The following ADCY2 variants were observed in gnomAD, a reference collection of about 807,000 sequenced individuals.
ADCY2 encodes adenylate cyclase type 2.
A neutral mutation model predicts 125.2 loss-of-function variants in ADCY2; 31 were observed. That is an observed-to-expected ratio of 0.25 (90% CI 0.19 to 0.33). ADCY2 has a LOEUF of 0.33. Among genes scored for constraint, ADCY2 ranks in the 10% least tolerant of loss-of-function variants. The pLI, the probability that ADCY2 is intolerant of heterozygous loss-of-function variation, is 1.00. For missense variants in ADCY2, 904 were observed against 1,418.2 expected (o/e 0.64, Z 5.82); for synonymous variants, 512 against 548.4 (o/e 0.93, Z 0.93).
intron 3 of ADCY2, among the ~76,000 whole-genome samples, chr5:7,556,779 C>T (rs1340078001): frequency 6.6e-6 from 1 of 152,108 alleles, no homozygotes; most frequent in African/African-American, 2.4e-5. Flanking sequence ...CTATTATGAA[C>T]TGCACGTGCA....
intron 2 of ADCY2, among the ~76,000 whole-genome samples, chr5:7,516,093 G>A (rs1744244028): frequency 6.6e-6 from 1 of 151,444 alleles, no homozygotes; most frequent in African/African-American, 2.4e-5. Context: ...AAGAACTGAA[G>A]GAGCATTACT....
chr5:7,750,758 C>T (rs751206800), intron 15 of ADCY2, among the ~76,000 whole-genome samples: 4 of 151,944 alleles, frequency 2.6e-5, no homozygotes, highest in Admixed American at 2.0e-4. Context: ...TCCCTTGTCT[C>T]GGTGGGAGTT....
At chr5:7,397,196 G>T (rs1020990052) in intron 1 of ADCY2, among the ~76,000 whole-genome samples, 6 of 152,132 alleles carry the variant, frequency 3.9e-5, no homozygotes, top group African/African-American at 1.4e-4. Context: ...ACGTGTTTAG[G>T]GTTTTGGACA....
intron 4 of ADCY2, among the ~76,000 whole-genome samples, chr5:7,674,967 A>G (rs1174319210): frequency 1.3e-5 from 2 of 152,106 alleles, no homozygotes; most frequent in African/African-American, 2.4e-5. Context: ...CATCCTGGCT[A>G]ACATGGTGAA....
rs1428355801 is a variant in ADCY2, at chr5:7,827,576, G to A, written c.*705G>A. 6.6e-6 allele frequency: 1 copy of A among 152,312 alleles called. No homozygotes were observed. Among genetic ancestry groups the A allele is most frequent in the Non-Finnish European group, 1.5e-5 (1 of 68,042 alleles). The allele number at this position is 152,312 out of a possible 1,614,324, so 9.4% of individuals were successfully genotyped here. On this transcript the variant is annotated 3_prime_UTR_variant, in exon 25 of 25. Transcript: ENST00000338316. ...TTTATTTTCCTGTCTTCTTTCTCCTGTGGTTTGCTCCAGAATTAAGGTTTG... is the reference window on the plus strand; with the variant it reads ...TTTATTTTCCTGTCTTCTTTCTCCTATGGTTTGCTCCAGAATTAAGGTTTG...
At chr5:7,816,670 A>G (rs111555610) in intron 22 of ADCY2, among the ~76,000 whole-genome samples, 196 bp from the exon 23 acceptor site, 1 of 152,258 alleles carries the variant, frequency 6.6e-6, no homozygotes, top group African/African-American at 2.4e-5. Flanking sequence ...AGTGTCTTCT[A>G]GCACCTAACG....
intron 3 of ADCY2, among the ~76,000 whole-genome samples, chr5:7,616,616 T>C (rs1161990458): frequency 6.6e-6 from 1 of 152,234 alleles, no homozygotes; most frequent in African/African-American, 2.4e-5. Flanking sequence ...TCATGGGTAG[T>C]ACATGGAATT....
chr5:7,804,040 A>AGAGAGAGAGAGAGAGAGAGAGAGAGAGAG, intron 21 of ADCY2, among the ~76,000 whole-genome samples: 1 of 106,586 alleles, frequency 9.4e-6, no homozygotes, highest in African/African-American at 3.7e-5. Context: ...GGAGGGGGGA[A>AGAGAGAGAGAGAGAGAGAGAGAGAGAGAG]AGAGAGAGAG....
At chr5:7,594,819 T>G (rs965745426) in intron 3 of ADCY2, among the ~76,000 whole-genome samples, 3 of 152,144 alleles carry the variant, frequency 2.0e-5, no homozygotes, top group Non-Finnish European at 2.9e-5. Flanking sequence ...TCCAAAGCTC[T>G]TATGTAAAGA....
Position 7,757,552 on chromosome 5 carries a change from C to T in ADCY2, c.2060C>T (p.Thr687Ile). The change falls in exon 16 of 25, where the codon ACA becomes ATA. Residue 687 changes from threonine to isoleucine, a missense_variant. Thr to Ile is a moderately conservative substitution (Grantham distance 89). Around this residue, in one of 7 missense-constraint regions of ADCY2, gnomAD observed 221 missense variants for 246.2 expected, o/e 0.90. Coordinates refer to ENST00000338316, the MANE Select transcript of ADCY2 (RefSeq NM_020546.3). ...CGGATCTCTCTCACGATCATCACCA[C>T]AGCCATCATATTAATGATGGCCGTG... ...WPRISLTIIT[T>I]AIILMMAVFN... The T allele has an allele frequency of 6.4e-7, 1 of 1,569,406 alleles. No homozygotes were observed. Among genetic ancestry groups the T allele is most frequent in the South Asian group, 1.1e-5 (1 of 89,182 alleles).
intron 13 of ADCY2, among the ~76,000 whole-genome samples, chr5:7,726,789 A>G (rs1741946507): frequency 6.6e-6 from 1 of 152,226 alleles, no homozygotes; most frequent in Non-Finnish European, 1.5e-5. Flanking sequence ...ATGAGAAGTC[A>G]TGCCCTTTCC....
chr5:7,401,649 T>A (rs1739268671), intron 1 of ADCY2, among the ~76,000 whole-genome samples: 2 of 152,194 alleles, frequency 1.3e-5, no homozygotes, highest in African/African-American at 4.8e-5. Flanking sequence ...GTCTTCCCCA[T>A]CAAGTGGAGC....
chr5:7,748,859 T>C (rs1742716436), intron 15 of ADCY2, among the ~76,000 whole-genome samples: 3 of 152,160 alleles, frequency 2.0e-5, no homozygotes, highest in African/African-American at 7.2e-5. Flanking sequence ...GTAATATCCA[T>C]TTGACAGTTT....
In ADCY2 at chr5:7,792,286, T is replaced by C. The variant is rs151234864; in HGVS notation, c.2628+2486T>C. 6.8e-3 allele frequency among the ~76,000 whole-genome samples: 1,023 copies of C among 151,022 alleles called. 15 individuals are homozygous for C. The highest frequency in any genetic ancestry group is 0.023 in the African/African-American group (940 of 40,992). On this transcript the variant is annotated intron_variant, in intron 20 of 24. Coordinates refer to ENST00000338316, the MANE Select transcript of ADCY2 (RefSeq NM_020546.3). ...GGCGGGTGCCTGTAATCCCAGCTACTTGGGAGGTTGAGGCAGGAGAATTGC... is the reference window on the plus strand; with the variant it reads ...GGCGGGTGCCTGTAATCCCAGCTACCTGGGAGGTTGAGGCAGGAGAATTGC...
At chr5:7,598,800 G>C (rs1006733945) in intron 3 of ADCY2, among the ~76,000 whole-genome samples, 2 of 152,194 alleles carry the variant, frequency 1.3e-5, no homozygotes, top group Non-Finnish European at 2.9e-5. Flanking sequence ...TCTCCCCTCT[G>C]ACAGTGATTG....
rs60426818 is a variant in ADCY2, at chr5:7,722,960, C to CAAAAAAAAAAAAAAAAAAAAAAAA, written c.1704-1582_1704-1559dup. On this transcript the variant is annotated intron_variant, in intron 12 of 24. Transcript: ENST00000338316. ...GGGCAACAAGAGCGAAACTCCATCT[C>CAAAAAAAAAAAAAAAAAAAAAAAA]AAAAAAAAAAAAAAAAAAAAAAAAA... Among the ~76,000 whole-genome samples, 4 of 51,634 alleles carry CAAAAAAAAAAAAAAAAAAAAAAAA rather than the reference C, an allele frequency of 7.7e-5. 1 individual carries two copies. The highest frequency in any genetic ancestry group is 2.3e-4 in the African/African-American group (3 of 13,254). 33.9% of individuals were successfully genotyped at this position (51,634 alleles called of 152,430 possible).
intron 3 of ADCY2, among the ~76,000 whole-genome samples, chr5:7,549,137 G>C (rs774601134): frequency 1.3e-5 from 2 of 152,164 alleles, no homozygotes; most frequent in Non-Finnish European, 2.9e-5. Flanking sequence ...CATGAAGTTG[G>C]CATATGAAGC....
intron 18 of ADCY2, among the ~76,000 whole-genome samples, chr5:7,776,366 C>T (rs969444940): frequency 6.6e-6 from 1 of 152,024 alleles, no homozygotes; most frequent in African/African-American, 2.4e-5. Flanking sequence ...GCATTTTGTC[C>T]CATCCGTTTG....
intron 22 of ADCY2, among the ~76,000 whole-genome samples, chr5:7,807,404 A>G (rs1579459992): frequency 6.6e-6 from 1 of 152,298 alleles, no homozygotes; most frequent in African/African-American, 2.4e-5. Flanking sequence ...GACCAAAAAA[A>G]CACTTCCAGA....
Sources: allele counts gnomAD v4.1 joint callset (sites outside exome capture counted in the v4.1 genomes callset), GRCh38; gene constraint gnomAD v4.1.1; regional missense constraint gnomAD v4.1.1; transcripts MANE v1.5; gene names NCBI Gene and HGNC (gene_info 2026-07-23, HGNC 2026-07-21).